HACD4: variants seen among roughly 807,000 people sequenced by gnomAD.
HACD4 encodes 3-hydroxyacyl-CoA dehydratase 4, also known as very-long-chain (3R)-3-hydroxyacyl-CoA dehydratase 4.
In HACD4, 35 loss-of-function variants were observed where a neutral mutation model predicts 33.3. The ratio of observed to expected loss-of-function variants is 1.05; its 90% CI spans 0.80 to 1.39. The LOEUF (loss-of-function observed/expected upper bound fraction) is 1.39. HACD4 is among the 40% of genes most tolerant of loss of function. The pLI is 0.00. For synonymous variants in HACD4, 118 were observed against 98.0 expected (o/e 1.20, Z -1.21); for missense variants, 323 against 276.5 (o/e 1.17, Z -1.19).
At chr9:21,011,489 A>G (rs1842434117) in intron 5 of HACD4, 100 bp downstream of exon 5, 1 of 738,668 alleles carries the variant, frequency 1.4e-6, no homozygotes, top group South Asian at 1.5e-5. Context: ...TGAGCTAAGC[A>G]TTCGCAAAAA....
chr9:21,030,519 C>G (rs1323944223), intron 1 of HACD4, among the ~76,000 whole-genome samples: 2 of 152,174 alleles, frequency 1.3e-5, no homozygotes, highest in Admixed American at 6.5e-5. Flanking sequence ...TGACATGTCA[C>G]TATGTGTTCC....
At chr9:21,028,659 T>G (rs975176999) in intron 2 of HACD4, among the ~76,000 whole-genome samples, 2 of 152,204 alleles carry the variant, frequency 1.3e-5, no homozygotes, top group Non-Finnish European at 1.5e-5. Flanking sequence ...GTGAGGACAC[T>G]TACCCACGTG....
At chr9:21,010,513 A>G (rs1032056359) in intron 5 of HACD4, among the ~76,000 whole-genome samples, 1 of 149,126 alleles carries the variant, frequency 6.7e-6, no homozygotes, top group Non-Finnish European at 1.5e-5. Context: ...TAATCAAAGA[A>G]TCATACAAAT....
chr9:21,013,767 T>C (rs1263729740), intron 4 of HACD4, among the ~76,000 whole-genome samples: 2 of 152,230 alleles, frequency 1.3e-5, no homozygotes, highest in African/African-American at 2.4e-5. Flanking sequence ...GTAAACAGAA[T>C]TGTATTCTTG....
rs913863887 is a variant in HACD4, at chr9:21,021,592, A to G, written c.270+5004T>C. Among the ~76,000 whole-genome samples, 11 of 152,208 alleles carry G rather than the reference A, an allele frequency of 7.2e-5. 1 individual carries two copies. The highest frequency in any genetic ancestry group is 7.2e-4 in the Admixed American group (11 of 15,282). On this transcript the variant is annotated intron_variant, in intron 3 of 6. Transcript: ENST00000495827. ...CATTCCTATATACCAATAACAGACA[A>G]ACAGAGAGCCAAATCATGAGTGAAC...
rs776161438 is a variant in HACD4 at position 21,031,540 on chromosome 9, C to A, written c.38+13G>T. 1 of 1,464,608 alleles carries A rather than the reference C, an allele frequency of 6.8e-7. No individual in the cohort carries two copies. The highest frequency in any genetic ancestry group is 2.5e-5 in the Admixed American group (1 of 40,412). 90.7% of individuals were successfully genotyped at this position (1,464,608 alleles called of 1,614,324 possible). On this transcript the variant is annotated intron_variant, in intron 1 of 6. Coordinates refer to ENST00000495827, the MANE Select transcript of HACD4 (RefSeq NM_001010915.5). ...CGCGCCCCCTCCCCTCGGGATTCGG[C>A]CGAGCGCCCTACCTGGGCTGCAGCC...
At chr9:21,018,162 G>A (rs1292192896) in intron 3 of HACD4, among the ~76,000 whole-genome samples, 2 of 152,074 alleles carry the variant, frequency 1.3e-5, no homozygotes, top group African/African-American at 4.8e-5. Context: ...AATACAATGG[G>A]GAAATTTAGG....
chr9:21,027,627 T>C (rs1232580469), intron 2 of HACD4, among the ~76,000 whole-genome samples: 1 of 152,156 alleles, frequency 6.6e-6, no homozygotes, highest in Admixed American at 6.5e-5. Flanking sequence ...ACCAGAGCAT[T>C]ATGAATTACA....
intron 5 of HACD4, among the ~76,000 whole-genome samples, chr9:21,009,041 C>A (rs186668725): frequency 2.1e-4 from 32 of 152,196 alleles, no homozygotes; most frequent in African/African-American, 6.7e-4. Flanking sequence ...ACAGGCCGCA[C>A]CTATGTCTCT....
rs1842142843 is a variant in HACD4, at chr9:21,000,007, C to T, written c.*7030G>A. 2 of 152,150 alleles carry T rather than the reference C, an allele frequency of 1.3e-5. No individual in the cohort carries two copies. The highest frequency in any genetic ancestry group is 4.1e-4 in the South Asian group (2 of 4,832). 9.4% of individuals were successfully genotyped at this position (152,150 alleles called of 1,614,324 possible). ...TTAAGGAAACTGGAACTCAAAGAGT[C>T]ATTCAGTTAGTAAATAATGGAGCTT... is the stretch of plus-strand genomic sequence containing the variant. On this transcript the variant is annotated 3_prime_UTR_variant, in exon 7 of 7. Coordinates refer to ENST00000495827, the MANE Select transcript of HACD4 (RefSeq NM_001010915.5).
chr9:21,031,362 C>T (rs2132810553), intron 1 of HACD4, 191 bp downstream of exon 1: 2 of 667,900 alleles, frequency 3.0e-6, no homozygotes, highest in Non-Finnish European at 3.7e-6. Context: ...ACAGAGCCTG[C>T]TTCCTAGGGT....
chr9:21,025,379 T>C, intron 3 of HACD4, among the ~76,000 whole-genome samples: 1 of 147,720 alleles, frequency 6.8e-6, no homozygotes, highest in Middle Eastern at 3.5e-3. Flanking sequence ...TACCACTCTT[T>C]CATTTAACAA....
At chr9:21,025,681 A>G (rs1381154552) in intron 3 of HACD4, among the ~76,000 whole-genome samples, 1 of 152,200 alleles carries the variant, frequency 6.6e-6, no homozygotes, top group Non-Finnish European at 1.5e-5. Context: ...TTTATCCAGC[A>G]ATGATTTTCT....
chr9:21,029,796 G>A (rs1272615794), intron 1 of HACD4, among the ~76,000 whole-genome samples: 1 of 152,200 alleles, frequency 6.6e-6, no homozygotes, highest in Non-Finnish European at 1.5e-5. Flanking sequence ...TGGCAACACA[G>A]TGCACTGTGG....
rs1024461483 is a variant in HACD4, at chr9:21,005,114, T to C, written c.*1923A>G. On this transcript the variant is annotated 3_prime_UTR_variant, in exon 7 of 7. Coordinates refer to ENST00000495827, the MANE Select transcript of HACD4 (RefSeq NM_001010915.5). The surrounding 1 kb of genome is among the most constrained non-coding windows in gnomAD (Gnocchi z 4.0). Reference sequence around the variant, plus strand: ...GGAAGAAAGGTGATCTTTGTTATAATATGCCAAAGAACTTGGATGATTGTG... The same window carrying C: ...GGAAGAAAGGTGATCTTTGTTATAACATGCCAAAGAACTTGGATGATTGTG... The C allele has an allele frequency of 1.3e-5, 2 of 152,222 alleles. No homozygotes were observed. Among genetic ancestry groups the C allele is most frequent in the Non-Finnish European group, 2.9e-5 (2 of 68,036 alleles). 9.4% of individuals were successfully genotyped at this position (152,222 alleles called of 1,614,324 possible). A position where few individuals can be genotyped will look rare whatever the true frequency, so the allele number is the denominator to read the frequency against.
Position 21,003,742 on chromosome 9 carries a change from T to C in HACD4, c.*3295A>G, listed in dbSNP as rs1024798974. ...CAAAAATTGAGTGATACATCAATGA[T>C]ACAGCAATGACTATCAGTTATTCAC... On this transcript the variant is annotated 3_prime_UTR_variant, in exon 7 of 7. Transcript: ENST00000495827. The C allele has an allele frequency of 1.3e-5, 2 of 152,316 alleles. No individual in the cohort carries two copies. The highest frequency in any genetic ancestry group is 3.9e-4 in the East Asian group (2 of 5,194). 9.4% of individuals were successfully genotyped at this position (152,316 alleles called of 1,614,324 possible).
At chr9:21,023,805 G>C (rs1467079803) in intron 3 of HACD4, among the ~76,000 whole-genome samples, 2 of 152,132 alleles carry the variant, frequency 1.3e-5, no homozygotes, top group Non-Finnish European at 2.9e-5. Flanking sequence ...TCGATCTCTT[G>C]ACCTCGTGAT....
At chr9:21,027,770 C>G (rs892482987) in intron 2 of HACD4, among the ~76,000 whole-genome samples, 3 of 152,312 alleles carry the variant, frequency 2.0e-5, no homozygotes, top group Non-Finnish European at 2.9e-5. Flanking sequence ...CAGTCTGTCT[C>G]CTGAACGAAT....
At chr9:21,015,653 G>A in intron 4 of HACD4, 1 of 334,840 alleles carries the variant, frequency 3.0e-6, no homozygotes, top group Non-Finnish European at 5.4e-6. Context: ...TTGGTTTTAT[G>A]CCAAGCCTTC....
Sources: allele counts gnomAD v4.1 joint callset (sites outside exome capture counted in the v4.1 genomes callset), GRCh38; gene constraint gnomAD v4.1.1; non-coding constraint Gnocchi (gnomAD v3.1); transcripts MANE v1.5; gene names NCBI Gene and HGNC (gene_info 2026-07-23, HGNC 2026-07-21).